INSC: variants seen among roughly 807,000 people sequenced by gnomAD.
INSC encodes the protein protein inscuteable homolog.
Under a neutral mutation model 58.6 loss-of-function variants are expected in INSC, and 67 were observed. The observed-to-expected ratio is 1.14, with a 90% confidence interval of 0.94 to 1.40. The LOEUF is 1.40. Ranked by LOEUF, INSC falls within the 40% of genes most tolerant of loss-of-function variation. The pLI, the probability that INSC is intolerant of heterozygous loss-of-function variation, is 0.00. For synonymous variants in INSC, 262 were observed against 276.1 expected (o/e 0.95, Z 0.51); for missense variants, 714 against 692.0 (o/e 1.03, Z -0.36).
chr11:15,167,369 A>G (rs1168242894), intron 2 of INSC, among the ~76,000 whole-genome samples: 1 of 151,942 alleles, frequency 6.6e-6, no homozygotes, highest in Non-Finnish European at 1.5e-5. Flanking sequence ...GCACTTACTA[A>G]TTTGTTCTAT....
intron 9 of INSC, among the ~76,000 whole-genome samples, chr11:15,234,303 A>G (rs1852037588): frequency 6.6e-6 from 1 of 152,238 alleles, no homozygotes; most frequent in East Asian, 1.9e-4. Context: ...ATCCCCTTCC[A>G]ATATGTGTTT....
At chr11:15,260,542 T>C in the INSC span, among the ~76,000 whole-genome samples, 10 of 152,144 alleles carry the variant, frequency 6.6e-5, no homozygotes, top group African/African-American at 1.4e-4. Flanking sequence ...CAAGCTCACA[T>C]GGTTGTTGTA....
the INSC span, among the ~76,000 whole-genome samples, chr11:15,260,569 T>C: frequency 6.6e-6 from 1 of 152,148 alleles, no homozygotes; most frequent in African/African-American, 2.4e-5. Context: ...AGAAATAATA[T>C]ATGGGATGTG....
chr11:15,119,106 C>T (rs534923873), intron 1 of INSC, among the ~76,000 whole-genome samples: 2 of 152,212 alleles, frequency 1.3e-5, no homozygotes, highest in African/African-American at 2.4e-5. Flanking sequence ...GCAGAAAAAA[C>T]TACTCCTTTG....
At chr11:15,176,183 TC>T in intron 3 of INSC, 97 bp downstream of exon 3, 1 of 1,026,310 alleles carries the variant, frequency 9.7e-7, no homozygotes, top group Non-Finnish European at 1.4e-6. Context: ...TCTTTTTTGC[TC>T]CAGAAGCCTT....
At chr11:15,144,371 G>A (rs1590356256) in intron 1 of INSC, among the ~76,000 whole-genome samples, 1 of 152,218 alleles carries the variant, frequency 6.6e-6, no homozygotes, top group African/African-American at 2.4e-5. Context: ...CAGTAAAGCA[G>A]TGCTCTCTAA....
At chr11:15,129,196 G>A (rs1021120952) in intron 1 of INSC, among the ~76,000 whole-genome samples, 4 of 152,050 alleles carry the variant, frequency 2.6e-5, no homozygotes, top group Admixed American at 1.3e-4. Flanking sequence ...CTCTGAATAG[G>A]TTGCCCCCCA....
intron 2 of INSC, among the ~76,000 whole-genome samples, chr11:15,174,478 ATTTG>A (rs1849507994): frequency 6.6e-6 from 1 of 152,170 alleles, no homozygotes; most frequent in Non-Finnish European, 1.5e-5. Flanking sequence ...AGAAGTGATT[ATTTG>A]TTTGCTGCTA....
chr11:15,149,093 T>TA lies in INSC; in HGVS notation c.-45-36dup, dbSNP rs565374042. On this transcript the variant is annotated intron_variant, in intron 1 of 12. Coordinates refer to ENST00000379556, the MANE Select transcript of INSC (RefSeq NM_001042536.3). ...GAGAAAGTGATTGTGCCTCCTCTTT[T>TA]AGGATCTCGTTGTGCCATCCTGCCC... 5.2e-3 allele frequency: 7,935 copies of TA among 1,534,450 alleles called. 32 individuals are homozygous for TA. The highest frequency in any genetic ancestry group is 6.3e-3 in the Non-Finnish European group (7,180 of 1,139,184).
At chr11:15,207,731 G>A (rs1457121335) in intron 7 of INSC, among the ~76,000 whole-genome samples, 1 of 151,982 alleles carries the variant, frequency 6.6e-6, no homozygotes, top group Admixed American at 6.6e-5. Context: ...AATTGCAGAT[G>A]GTCATAAATA....
chr11:15,238,458 C>T (rs973259555), intron 10 of INSC, among the ~76,000 whole-genome samples: 2 of 152,122 alleles, frequency 1.3e-5, no homozygotes, highest in South Asian at 4.1e-4. Context: ...GAGTTTCTTT[C>T]GTTTTCTTAA....
In INSC at chr11:15,200,893, C is replaced by G; in HGVS notation, c.763C>G (p.Leu255Val). 1 of 1,613,808 alleles carries G rather than the reference C, an allele frequency of 6.2e-7. No individual in the cohort carries two copies. The highest frequency in any genetic ancestry group is 8.5e-7 in the Non-Finnish European group (1 of 1,179,990). ...DSFRCLYPQA[L>V]RTLASICCVE... ...TTTCCGGTGCTTGTACCCCCAGGCG[C>G]TCCGCACGCTGGCCTCCATCTGCTG... The change falls in exon 7 of 13, where the codon CTC (leucine) becomes GTC (valine). Residue 255 changes from leucine (L) to valine (V), a missense_variant. By Grantham distance (32) the Leu-to-Val change is conservative. Transcript: ENST00000379556.
At chr11:15,214,554 C>T (rs1851143896) in intron 7 of INSC, among the ~76,000 whole-genome samples, 1 of 152,182 alleles carries the variant, frequency 6.6e-6, no homozygotes, top group South Asian at 2.1e-4. Flanking sequence ...GCATAAAAAC[C>T]ACCACTGGTG....
intron 5 of INSC, among the ~76,000 whole-genome samples, chr11:15,184,073 CTTAT>C (rs766828595): frequency 6.6e-5 from 10 of 152,010 alleles, no homozygotes; most frequent in Non-Finnish European, 1.5e-4. Flanking sequence ...ATTCTCAGTT[CTTAT>C]TTAATGATTC....
intron 1 of INSC, among the ~76,000 whole-genome samples, chr11:15,139,384 C>A (rs981215391): frequency 1.3e-5 from 2 of 152,116 alleles, no homozygotes; most frequent in Non-Finnish European, 2.9e-5. Context: ...TTTTGCAAAT[C>A]GAAGCTAAGG....
intron 7 of INSC, among the ~76,000 whole-genome samples, chr11:15,211,573 G>A (rs1714331): frequency 0.99 from 150,881 of 152,334 alleles, 74,738 homozygotes; most frequent in East Asian, 1. Flanking sequence ...TTTTGTAGTC[G>A]GTGCTGCTTG....
Position 15,174,162 on chromosome 11 carries a change from C to T in INSC, c.57-1579C>T, listed in dbSNP as rs1849496939. Among the ~76,000 whole-genome samples the T allele has an allele frequency of 2.0e-5, 3 of 152,192 alleles. No homozygotes were observed. The South Asian group carries it at 6.2e-4, about 32-fold the overall frequency. On this transcript the variant is annotated intron_variant, in intron 2 of 12. Transcript: ENST00000379556. ...GCTATTCCTTGCACATCTCAGGACA[C>T]TTCTGCCCCCAGAGCCTTTGCACTT...
chr11:15,163,136 G>A (rs1849074635), intron 2 of INSC, among the ~76,000 whole-genome samples: 1 of 152,142 alleles, frequency 6.6e-6, no homozygotes, highest in African/African-American at 2.4e-5. Context: ...AAGTCATTTT[G>A]AATGAATATA....
At chr11:15,146,537 A>G (rs959062153) in intron 1 of INSC, among the ~76,000 whole-genome samples, 1 of 152,166 alleles carries the variant, frequency 6.6e-6, no homozygotes, top group Admixed American at 6.5e-5. Flanking sequence ...AACTGCTGGG[A>G]AGCTATGGGT....
Sources: gnomAD v4.1 joint callset for allele counts (sites outside exome capture counted in the v4.1 genomes callset) on GRCh38, gnomAD v4.1.1 for gene constraint, MANE v1.5 for transcripts, NCBI Gene and HGNC (gene_info 2026-07-23, HGNC 2026-07-21) for gene names.